The following CAPN5 variants were observed in gnomAD, a reference collection of about 807,000 sequenced individuals.
CAPN5 encodes calpain 5.
Under a neutral mutation model 73.0 loss-of-function variants are expected in CAPN5, and 54 were observed. That is an observed-to-expected ratio of 0.74 (90% confidence interval 0.59 to 0.93). The LOEUF is 0.93. Among genes scored for constraint, CAPN5 ranks in the 40% least tolerant of loss-of-function variants. The pLI is 0.00. For synonymous variants in CAPN5, 335 were observed against 356.9 expected (o/e 0.94, Z 0.69); for missense variants, 785 against 882.9 (o/e 0.89, Z 1.41).
chr11:77,120,631 A>G lies in CAPN5; in HGVS notation c.1291-82A>G, dbSNP rs924883138. The stretch of plus-strand genomic sequence containing the variant: ...ATAAAGGGATTCCATCGTCCCTTCC[A>G]TGGTGGTGAGGGGGAGGCGGGGTGG... On this transcript the variant is annotated intron_variant, in intron 9 of 12. Transcript: ENST00000648180. 1.4e-5 allele frequency: 12 copies of G among 853,492 alleles called. No homozygotes were observed. The African/African-American group carries it at 1.5e-4, about 11-fold the overall frequency. 52.9% of individuals were successfully genotyped at this position (853,492 alleles called of 1,614,324 possible). A position where few individuals can be genotyped will look rare whatever the true frequency, so the allele number is the denominator to read the frequency against.
At chr11:77,109,050 G>T (rs375312290) in intron 3 of CAPN5, among the ~76,000 whole-genome samples, 1 of 152,176 alleles carries the variant, frequency 6.6e-6, no homozygotes, top group East Asian at 1.9e-4. Context: ...TGTAACCTGG[G>T]ACTTAGCTCC....
At chr11:77,083,916 C>T (rs546744597) in intron 1 of CAPN5, among the ~76,000 whole-genome samples, 12 of 152,326 alleles carry the variant, frequency 7.9e-5, no homozygotes, top group African/African-American at 2.9e-4. Context: ...CAGGGCTGGG[C>T]TGGAAATTGT....
rs892983116 is a variant in CAPN5, at chr11:77,081,433, C to G, written c.-35-3419C>G. 3.9e-5 allele frequency among the ~76,000 whole-genome samples: 6 copies of G among 152,220 alleles called. 1 individual carries two copies. Among genetic ancestry groups the G allele is most frequent in the Non-Finnish European group, 7.3e-5 (5 of 68,042 alleles). ...TACACTAGACCAACTCCGACAGGAA[C>G]CCCAAGTTGTGGTAGCCCCCCCATA... On this transcript the variant is annotated intron_variant, in intron 1 of 12. Transcript: ENST00000648180.
chr11:77,069,746 AGT>A lies in CAPN5; in HGVS notation c.-36+2654_-36+2655del, dbSNP rs540957883. ...TGTCCCCATCTATTCAAGTGTTTTGAGTGCCTTCAGAGCCCCTCCCAGGCACC... is the reference window on the plus strand; with the variant it reads ...TGTCCCCATCTATTCAAGTGTTTTGAGCCTTCAGAGCCCCTCCCAGGCACC... On this transcript the variant is annotated intron_variant, in intron 1 of 12. Transcript: ENST00000648180. Among the ~76,000 whole-genome samples, 164 of 152,192 alleles carry A rather than the reference AGT, an allele frequency of 1.1e-3. 1 individual carries two copies. In the Middle Eastern group the frequency reaches 0.014, roughly 13 times the overall value.
At chr11:77,078,889 G>A (rs1555034251) in intron 1 of CAPN5, among the ~76,000 whole-genome samples, 1 of 152,002 alleles carries the variant, frequency 6.6e-6, no homozygotes, top group East Asian at 1.9e-4. Flanking sequence ...TGTGTTGTTA[G>A]TATATAAAAA....
chr11:77,122,806 G>A (rs764513084), intron 12 of CAPN5, 94 bp downstream of exon 12: 311 of 1,521,086 alleles, frequency 2.0e-4, no homozygotes, highest in Non-Finnish European at 2.7e-4. Flanking sequence ...CCTCTGACGA[G>A]GACCCAGGCA....
intron 2 of CAPN5, among the ~76,000 whole-genome samples, chr11:77,089,972 T>C (rs1157759184): frequency 6.6e-6 from 1 of 152,178 alleles, no homozygotes; most frequent in East Asian, 1.9e-4. Flanking sequence ...CACCTCTTCT[T>C]GTGTGGCCCT....
intron 2 of CAPN5, among the ~76,000 whole-genome samples, chr11:77,091,710 C>T (rs1950150517): frequency 1.3e-5 from 2 of 152,124 alleles, no homozygotes; most frequent in South Asian, 2.1e-4. Flanking sequence ...GGGATCAGGC[C>T]AGGCCCCACC....
At chr11:77,122,100 G>A in intron 11 of CAPN5, 51 bp downstream of exon 11, 1 of 1,109,756 alleles carries the variant, frequency 9.0e-7, no homozygotes, top group Non-Finnish European at 1.3e-6. Context: ...TTGTCCCATG[G>A]CCTCTCTCCA....
At chr11:77,094,944 C>G (rs560859582) in intron 3 of CAPN5, among the ~76,000 whole-genome samples, 2 of 152,330 alleles carry the variant, frequency 1.3e-5, no homozygotes, top group East Asian at 3.9e-4. Flanking sequence ...GGGAGCAGTG[C>G]CCTTGGGCAA....
intron 2 of CAPN5, among the ~76,000 whole-genome samples, chr11:77,088,242 G>A (rs781963777): frequency 6.6e-6 from 1 of 151,922 alleles, no homozygotes; most frequent in Non-Finnish European, 1.5e-5. Flanking sequence ...CCCTAGTGCA[G>A]TCTCGGGGGC....
chr11:77,090,375 C>A (rs1950136452), intron 2 of CAPN5, among the ~76,000 whole-genome samples: 1 of 152,218 alleles, frequency 6.6e-6, no homozygotes, highest in East Asian at 1.9e-4. Context: ...GTCTGTCTCT[C>A]AAGGACTGGA....
intron 1 of CAPN5, among the ~76,000 whole-genome samples, chr11:77,075,128 C>T (rs890856129): frequency 6.6e-5 from 10 of 152,222 alleles, no homozygotes; most frequent in African/African-American, 2.2e-4. Context: ...GATGAAGCCA[C>T]ACGCTGCACA....
intron 1 of CAPN5, among the ~76,000 whole-genome samples, chr11:77,082,989 C>T (rs1028037390): frequency 2.6e-5 from 4 of 152,212 alleles, no homozygotes; most frequent in Admixed American, 1.3e-4. Flanking sequence ...TGCTGCTCCT[C>T]GGTGACTCTG....
At chr11:77,072,767 G>A (rs1414803865) in intron 1 of CAPN5, among the ~76,000 whole-genome samples, 1 of 152,224 alleles carries the variant, frequency 6.6e-6, no homozygotes, top group Non-Finnish European at 1.5e-5. Context: ...TTGAGTCTTG[G>A]AGATAGTCTA....
intron 3 of CAPN5, among the ~76,000 whole-genome samples, chr11:77,101,258 G>A (rs1474854054): frequency 6.6e-6 from 1 of 152,102 alleles, no homozygotes; most frequent in African/African-American, 2.4e-5. Flanking sequence ...TACCCTCTCA[G>A]GACTGTGTGT....
rs782741320 is a variant in CAPN5 at position 77,114,297 on chromosome 11, G to A, written c.562G>A (p.Asp188Asn). Residue 188 changes from aspartate to asparagine, a missense_variant, in exon 5 of 13, where the codon GAC becomes AAC. By Grantham distance (23) the Asp-to-Asn change is conservative. Coordinates refer to ENST00000648180, the MANE Select transcript of CAPN5 (RefSeq NM_004055.5). ...DGGNTADALV[D>N]FTGGVSEPID... ...AGGCAACACAGCAGACGCACTGGTGGACTTCACGGGTGGTGTTTCTGAGCC... is the reference window on the plus strand; with the variant it reads ...AGGCAACACAGCAGACGCACTGGTGAACTTCACGGGTGGTGTTTCTGAGCC... 6 of 1,614,206 alleles carry A rather than the reference G, an allele frequency of 3.7e-6. No homozygotes were observed. Among genetic ancestry groups the A allele is most frequent in the South Asian group, 2.2e-5 (2 of 91,078 alleles).
At chr11:77,121,516 G>A (rs1425188235) in intron 10 of CAPN5, among the ~76,000 whole-genome samples, 4 of 152,390 alleles carry the variant, frequency 2.6e-5, no homozygotes, top group Non-Finnish European at 4.4e-5. Flanking sequence ...GGAGTCAGAC[G>A]GCTCAGGGTC....
At chr11:77,119,377 C>A in intron 9 of CAPN5, 2 of 568,766 alleles carry the variant, frequency 3.5e-6, no homozygotes, top group Non-Finnish European at 6.3e-6. Flanking sequence ...AGCCTGATTT[C>A]TTTCTGCCTA....
Sources: gnomAD v4.1 joint callset for allele counts (sites outside exome capture counted in the v4.1 genomes callset) on GRCh38, gnomAD v4.1.1 for gene constraint, MANE v1.5 for transcripts, NCBI Gene and HGNC (gene_info 2026-07-23, HGNC 2026-07-21) for gene names.